The following RET variants were observed in gnomAD, a reference collection of about 807,000 sequenced individuals.
RET encodes ret proto-oncogene.
A neutral mutation model predicts 118.3 loss-of-function variants in RET; 19 were observed. The ratio of observed to expected loss-of-function variants is 0.16; its 90% confidence interval spans 0.11 to 0.24. The LOEUF (loss-of-function observed/expected upper bound fraction) is 0.24, where lower values mean the gene tolerates loss of function less well. Among genes scored for constraint, RET ranks in the 10% least tolerant of loss-of-function variants. The pLI, the probability that RET is intolerant of heterozygous loss-of-function variation, is 1.00. For missense variants in RET, 1,219 were observed against 1,502.1 expected, an observed-to-expected ratio of 0.81 and a Z score of 3.12; for synonymous variants, 597 against 644.1, an observed-to-expected ratio of 0.93 and a Z score of 1.11.
At chr10:43,119,120 G>A (rs1018697699) in intron 13 of RET, among the ~76,000 whole-genome samples, 2 of 152,144 alleles carry the variant, frequency 1.3e-5, no homozygotes, top group African/African-American at 4.8e-5. Context: ...CAGGGAGCAG[G>A]CTGTGTGCAG....
At chr10:43,086,446 C>T (rs1449871674) in intron 1 of RET, among the ~76,000 whole-genome samples, 3 of 152,096 alleles carry the variant, frequency 2.0e-5, no homozygotes, top group Non-Finnish European at 4.4e-5. Flanking sequence ...TGAGTCACTG[C>T]CTTGCTGAGT....
intron 1 of RET, among the ~76,000 whole-genome samples, chr10:43,096,715 C>G (rs953943190): frequency 1.3e-5 from 2 of 152,218 alleles, no homozygotes; most frequent in Non-Finnish European, 2.9e-5. Flanking sequence ...TCCCCTGTGG[C>G]TGACCCACCA....
In RET at chr10:43,130,034, G is replaced by C. The variant is rs888130470; in HGVS notation, c.*1765G>C. On this transcript the variant is annotated 3_prime_UTR_variant, in exon 20 of 20. Transcript: ENST00000355710. ...CTGCAACAGGTTTGTTCTCAGGAGGGTAAGAACTCCAGGTCTAAACAGCTG... is the reference window on the plus strand; with the variant it reads ...CTGCAACAGGTTTGTTCTCAGGAGGCTAAGAACTCCAGGTCTAAACAGCTG... 1 of 398,586 alleles carries C rather than the reference G, an allele frequency of 2.5e-6. No homozygotes were observed. Among genetic ancestry groups the C allele is most frequent in the Non-Finnish European group, 4.4e-6 (1 of 226,058 alleles). 24.7% of individuals were successfully genotyped at this position (398,586 alleles called of 1,614,324 possible). A position where few individuals can be genotyped will look rare whatever the true frequency, so the allele number is the denominator to read the frequency against.
At chr10:43,127,014 A>G in intron 19 of RET, 1 of 1,325,436 alleles carries the variant, frequency 7.5e-7, no homozygotes, top group Non-Finnish European at 9.6e-7. Context: ...GACCAAGAAC[A>G]GGTTGAATAA....
chr10:43,098,421 C>CTTTTTTTTTTTTTTTTTTTTTTTTTTT, intron 1 of RET, among the ~76,000 whole-genome samples: 1 of 129,790 alleles, frequency 7.7e-6, no homozygotes, highest in Non-Finnish European at 1.6e-5. Flanking sequence ...GATTTTCCTC[C>CTTTTTTTTTTTTTTTTTTTTTTTTTTT]TTTTTTTTTT....
chr10:43,114,399 A>G lies in RET; in HGVS notation c.1880-81A>G, dbSNP rs985435771. The G allele has an allele frequency of 6.3e-7, 1 of 1,576,976 alleles. No individual in the cohort carries two copies. Among genetic ancestry groups the G allele is most frequent in the Non-Finnish European group, 8.6e-7 (1 of 1,163,666 alleles). On this transcript the variant is annotated intron_variant, in intron 10 of 19. Transcript: ENST00000355710. This position sits in a 1 kb window ranked among gnomAD's most constrained non-coding sequence, Gnocchi z 4.6. ...CGCGGACACGGCAGGCTGGAGAGCC[A>G]TGAGGCAGAGCATACGCAGCCTGTA... is the stretch of plus-strand genomic sequence containing the variant.
chr10:43,120,464 C>G (rs958477102), intron 15 of RET, among the ~76,000 whole-genome samples: 7 of 152,250 alleles, frequency 4.6e-5, no homozygotes, highest in African/African-American at 1.7e-4. Context: ...CCTTGCCGCA[C>G]TTTTCAGAGG....
rs1564480881 is a variant in RET at position 43,077,298 on chromosome 10, C to CTGT, written c.43_45dup (p.Leu19dup). On this transcript the variant is annotated inframe_insertion, in exon 1 of 20. Transcript: ENST00000355710. ...GTCCGGTGCCGCGGGGCTGCGTCTG[C>CTGT]TGTTGCTGCTGCTGCTGCCGCTGCT... 1 of 1,512,124 alleles carries CTGT rather than the reference C, an allele frequency of 6.6e-7. No individual in the cohort carries two copies. Among genetic ancestry groups the CTGT allele is most frequent in the South Asian group, 1.2e-5 (1 of 81,488 alleles). The allele number at this position is 1,512,124 out of a possible 1,614,324, so 93.7% of individuals were successfully genotyped here.
chr10:43,121,660 G>C (rs752739875), intron 15 of RET, among the ~76,000 whole-genome samples: 11 of 152,178 alleles, frequency 7.2e-5, no homozygotes. Context: ...CCATGCATAG[G>C]GAAGCACTGC....
At chr10:43,124,415 C>T (rs556874445) in intron 17 of RET, among the ~76,000 whole-genome samples, 77 of 152,210 alleles carry the variant, frequency 5.1e-4, no homozygotes, top group Non-Finnish European at 1.0e-3. Flanking sequence ...TGCCTGGGCA[C>T]CCAGGCAAGC....
At chr10:43,084,109 G>A (rs550947769) in intron 1 of RET, among the ~76,000 whole-genome samples, 25 of 152,322 alleles carry the variant, frequency 1.6e-4, no homozygotes, top group African/African-American at 5.8e-4. Context: ...ATAGTGTGCC[G>A]TCACCCATTC....
Position 43,125,407 on chromosome 10 carries a change from C to T in RET, c.3039+425C>T, listed in dbSNP as rs151181311. Among the ~76,000 whole-genome samples, 22 of 152,358 alleles carry T rather than the reference C, an allele frequency of 1.4e-4. No homozygotes were observed. In the East Asian group the frequency reaches 4.1e-3, roughly 28 times the overall value. On this transcript the variant is annotated intron_variant, in intron 18 of 19. Coordinates refer to ENST00000355710, the MANE Select transcript of RET (RefSeq NM_020975.6). ...ACTGTGGCAAACAGCCAGCCCCCTC[C>T]AAAGGGTTCCTTGCTGGAGTACCTG...
rs376041608 is a variant in RET at position 43,121,906 on chromosome 10, T to C, written c.2731-40T>C. 1.0e-5 allele frequency: 15 copies of C among 1,493,824 alleles called. No homozygotes were observed. The African/African-American group carries it at 1.9e-4, about 19-fold the overall frequency. The allele number at this position is 1,493,824 out of a possible 1,614,324, so 92.5% of individuals were successfully genotyped here. A position where few individuals can be genotyped will look rare whatever the true frequency, so the allele number is the denominator to read the frequency against. ...TCCTTTACCCCTCCTTCCTAGAGAG[T>C]TAGAGTAACTTCAATGTCTTTATTC... On this transcript the variant is annotated intron_variant, in intron 15 of 19. Coordinates refer to ENST00000355710, the MANE Select transcript of RET (RefSeq NM_020975.6).
chr10:43,082,433 G>A (rs1588851864), intron 1 of RET, among the ~76,000 whole-genome samples: 3 of 152,348 alleles, frequency 2.0e-5, no homozygotes, highest in South Asian at 2.1e-4. Context: ...ACAGGTGTGC[G>A]CCTACCTGGT....
intron 1 of RET, among the ~76,000 whole-genome samples, chr10:43,082,987 T>G (rs1837217750): frequency 6.6e-6 from 1 of 152,158 alleles, no homozygotes; most frequent in South Asian, 2.1e-4. Flanking sequence ...GCCAGGGGCT[T>G]CCTCTTGCTC....
chr10:43,104,749 C>CT (rs1218222539), intron 3 of RET: 1 of 771,548 alleles, frequency 1.3e-6, no homozygotes, highest in African/African-American at 1.8e-5. Flanking sequence ...TCGCTGCAAA[C>CT]TGCAAACTCG....
chr10:43,105,258 C>A lies in RET; in HGVS notation c.867+65C>A. ...CTCCGGCCACAGTTCGTTTCTCGGT[C>A]GGTTTAGTGTCCGTGTAGCCACCCA... On this transcript the variant is annotated intron_variant, in intron 4 of 19. Coordinates refer to ENST00000355710, the MANE Select transcript of RET (RefSeq NM_020975.6). 3 of 1,607,216 alleles carry A rather than the reference C, an allele frequency of 1.9e-6. No homozygotes were observed. The South Asian group carries it at 3.3e-5, about 18-fold the overall frequency.
In RET at chr10:43,086,532, C is replaced by T. The variant is rs2506005; in HGVS notation, c.73+9201C>T. ...GATGCCCTGGCCCCGTTGCCCCAGG[C>T]CAGGGCCAGTGAACAATGTAATCAG... On this transcript the variant is annotated intron_variant, in intron 1 of 19. Coordinates refer to ENST00000355710, the MANE Select transcript of RET (RefSeq NM_020975.6). Among the ~76,000 whole-genome samples the T allele has an allele frequency of 0.78, 118,829 of 152,208 alleles. 47,301 individuals carry two copies. The highest frequency in any genetic ancestry group is 0.92 in the African/African-American group (38,424 of 41,550).
At chr10:43,102,826 C>T (rs1008154835) in intron 3 of RET, 197 bp downstream of exon 3, 5 of 664,468 alleles carry the variant, frequency 7.5e-6, no homozygotes, top group African/African-American at 7.2e-5. Flanking sequence ...ATGAACACAA[C>T]GGGTTGGAAT....
Sources: allele counts gnomAD v4.1 joint callset (sites outside exome capture counted in the v4.1 genomes callset), GRCh38; gene constraint gnomAD v4.1.1; non-coding constraint Gnocchi (gnomAD v3.1); transcripts MANE v1.5; gene names NCBI Gene and HGNC (gene_info 2026-07-23, HGNC 2026-07-21).